The following SCN1B variants were observed in gnomAD, a reference collection of about 807,000 sequenced individuals.
The protein encoded by SCN1B is sodium voltage-gated channel beta subunit 1.
Under a neutral mutation model 25.7 loss-of-function variants are expected in SCN1B, and 11 were observed. That is an observed-to-expected ratio of 0.43 (90% CI 0.27 to 0.71). The LOEUF (loss-of-function observed/expected upper bound fraction) is 0.71, where lower values mean the gene tolerates loss of function less well. Ranked by LOEUF, SCN1B falls within the 30% of genes least tolerant of loss-of-function variation. The pLI, the probability that SCN1B is intolerant of heterozygous loss-of-function variation, is 0.21. For synonymous variants in SCN1B, 119 were observed against 117.5 expected (o/e 1.01, Z -0.08); for missense variants, 224 against 291.5 (o/e 0.77, Z 1.69).
chr19:35,030,943 G>A, intron 1 of SCN1B, 83 bp downstream of exon 1: 1 of 226,016 alleles, frequency 4.4e-6, no homozygotes, highest in Non-Finnish European at 8.3e-6. Context: ...GGGACACGGG[G>A]CAGCCGCGCG....
In SCN1B at chr19:35,030,828, G is replaced by A; in HGVS notation, c.8G>A (p.Arg3Lys). Residue 3 changes from arginine (R) to lysine (K), a missense_variant, in exon 1 of 6, where the codon AGG becomes AAG. Coordinates refer to ENST00000262631, the MANE Select transcript of SCN1B (RefSeq NM_001037.5). ...AGCACGCGCCGCGCAGCCATGGGGA[G>A]GCTGCTGGCCTTAGTGGTCGGCGCG... MG[R>K]LLALVVGAAL... is the part of the protein sequence containing the mutation. 1.8e-6 allele frequency: 2 copies of A among 1,088,152 alleles called. No homozygotes were observed. The highest frequency in any genetic ancestry group is 2.2e-5 in the South Asian group (1 of 44,476). 67.4% of individuals were successfully genotyped at this position (1,088,152 alleles called of 1,614,324 possible).
At position 35,032,702 on chromosome 19, in the gene SCN1B, G is replaced by A; in HGVS notation, c.207+8G>A. 1 of 1,613,590 alleles carries A rather than the reference G, an allele frequency of 6.2e-7. No individual in the cohort carries two copies. On this transcript the variant is annotated splice_region_variant and intron_variant, in intron 2 of 5. Coordinates refer to ENST00000262631, the MANE Select transcript of SCN1B (RefSeq NM_001037.5). The surrounding 1 kb of genome is among the most constrained non-coding windows in gnomAD (Gnocchi z 4.3). ...ACTGAGGAGTTTGTCAAGGTGTGCG[G>A]GTGCCGGGAACGGGCATGGGAGGGC... is the stretch of plus-strand genomic sequence containing the variant.
At chr19:35,034,237 A>T in intron 3 of SCN1B, 1 of 1,442,030 alleles carries the variant, frequency 6.9e-7, no homozygotes, top group African/African-American at 1.4e-5. Flanking sequence ...CTCTGTGGTG[A>T]TGAGGCAAGA....
Position 35,033,667 on chromosome 19 carries a change from C to A in SCN1B, c.376C>A (p.Leu126Met). 1 of 1,614,212 alleles carries A rather than the reference C, an allele frequency of 6.2e-7. No individual in the cohort carries two copies. The highest frequency in any genetic ancestry group is 1.6e-4 in the Middle Eastern group (1 of 6,062). Residue 126 changes from leucine (L) to methionine (M), a missense_variant, in exon 3 of 6, where the codon CTG becomes ATG. Around this residue, in one of 3 missense-constraint regions of SCN1B, gnomAD observed 126 missense variants for 204.9 expected, o/e 0.61. Transcript: ENST00000262631. ...SGDYECHVYR[L>M]LFFENYEHNT... ...CGACTACGAGTGCCACGTCTACCGC[C>A]TGCTCTTCTTCGAAAACTACGAGCA...
chr19:35,033,891 C>T lies in SCN1B; in HGVS notation c.448+152C>T. The T allele has an allele frequency of 3.1e-6, 5 of 1,594,874 alleles. No individual in the cohort carries two copies. Among genetic ancestry groups the T allele is most frequent in the Non-Finnish European group, 4.3e-6 (5 of 1,170,044 alleles). On this transcript the variant is annotated intron_variant, in intron 3 of 5. Coordinates refer to ENST00000262631, the MANE Select transcript of SCN1B (RefSeq NM_001037.5). ...CTGAGGGGGAGGGGAGCAGCCCCTC[C>T]TGCCCACTCCAGCTCTGGCCTCTGT...
intron 3 of SCN1B, chr19:35,038,799 T>A (rs2064263778): frequency 2.3e-6 from 1 of 433,422 alleles, no homozygotes. Flanking sequence ...AGACATTGAG[T>A]CACTTGCGCA....
chr19:35,039,513 C>T, intron 4 of SCN1B, 122 bp from the exon 5 acceptor site: 2 of 1,074,612 alleles, frequency 1.9e-6, no homozygotes, highest in Non-Finnish European at 2.8e-6. Context: ...CCCATAGACT[C>T]CTTCTCTCTC....
chr19:35,032,501 C>T lies in SCN1B; in HGVS notation c.41-27C>T. On this transcript the variant is annotated intron_variant, in intron 1 of 5. Transcript: ENST00000262631. The surrounding 1 kb of genome is among the most constrained non-coding windows in gnomAD (Gnocchi z 4.3). ...TTGCTTAGGGCAATGGGTGCCTCTG[C>T]CTGACCTGAGCCTGCTGTCCCCACA... The T allele has an allele frequency of 6.2e-7, 1 of 1,612,408 alleles. No homozygotes were observed. Among genetic ancestry groups the T allele is most frequent in the Non-Finnish European group, 8.5e-7 (1 of 1,180,004 alleles).
Position 35,032,311 on chromosome 19 carries a change from T to C in SCN1B, c.41-217T>C, listed in dbSNP as rs1237829376. On this transcript the variant is annotated intron_variant, in intron 1 of 5. Transcript: ENST00000262631. The surrounding 1 kb of genome is among the most constrained non-coding windows in gnomAD (Gnocchi z 4.3). ...GTATGAAAATGGGCCCAGCCATTGC[T>C]GGAAGCAAAGGACCATTTCTTTCAA... Among the ~76,000 whole-genome samples, 1 of 152,232 alleles carries C rather than the reference T, an allele frequency of 6.6e-6. No individual in the cohort carries two copies. The highest frequency in any genetic ancestry group is 1.5e-5 in the Non-Finnish European group (1 of 68,044).
At chr19:35,035,477 A>T (rs573920166) in intron 3 of SCN1B, 1 of 152,116 alleles carries the variant, frequency 6.6e-6, no homozygotes, top group African/African-American at 2.4e-5. Flanking sequence ...TTTAGTAGAT[A>T]TGGAGTTTCC....
chr19:35,039,010 G>A lies in SCN1B; in HGVS notation c.449-107G>A, dbSNP rs1057172573. On this transcript the variant is annotated intron_variant, in intron 3 of 5. Coordinates refer to ENST00000262631, the MANE Select transcript of SCN1B (RefSeq NM_001037.5). ...TTAATAATCACAGTGCATACACCAG[G>A]CCCAGGGAGGTTGAGCCACTCATCC... 13 of 1,308,010 alleles carry A rather than the reference G, an allele frequency of 9.9e-6. No homozygotes were observed. In the Admixed American group the frequency reaches 1.7e-4, roughly 17 times the overall value. The allele number at this position is 1,308,010 out of a possible 1,614,324, so 81.0% of individuals were successfully genotyped here. A position where few individuals can be genotyped will look rare whatever the true frequency, so the allele number is the denominator to read the frequency against.
chr19:35,034,210 A>C, intron 3 of SCN1B: 1 of 1,516,650 alleles, frequency 6.6e-7, no homozygotes, highest in Non-Finnish European at 8.9e-7. Flanking sequence ...CTGTTCGAGT[A>C]GCTCAGCCCT....
At chr19:35,037,672 G>A (rs1441003646) in intron 3 of SCN1B, 4 of 151,548 alleles carry the variant, frequency 2.6e-5, no homozygotes, top group Non-Finnish European at 4.4e-5. Context: ...GAGGCCAGGT[G>A]TAGTGGTTCA....
rs1005312276 is a variant in SCN1B, at chr19:35,032,541, C to A, written c.54C>A (p.Cys18Ter). Reference protein sequence around the residue: ...VVGAALVSSACGGCVEVDSET... With the variant: ...VVGAALVSSA ...CTGTCCCCACAGTGTCCTCAGCCTG[C>A]GGGGGCTGCGTGGAGGTGGACTCGG... The change falls in exon 2 of 6, where the codon TGC (cysteine) becomes TGA (stop). Residue 18 changes from cysteine to a stop codon, truncating the protein, a stop_gained. Transcript: ENST00000262631. LOFTEE classifies it high-confidence loss of function. This position sits in a 1 kb window ranked among gnomAD's most constrained non-coding sequence, Gnocchi z 4.3. 1 of 1,613,764 alleles carries A rather than the reference C, an allele frequency of 6.2e-7. No individual in the cohort carries two copies. Among genetic ancestry groups the A allele is most frequent in the Non-Finnish European group, 8.5e-7 (1 of 1,180,036 alleles).
At position 35,039,173 on chromosome 19, in the gene SCN1B, G is replaced by T. The variant is rs2064267317; in HGVS notation, c.505G>T (p.Val169Leu). ...SEIMMYVLIV[V>L]LTIWLVAEMI... The stretch of plus-strand genomic sequence containing the variant: ...GATCATGATGTATGTGCTCATTGTG[G>T]TGTTGACCATATGGCTCGTGGCAGA... The change falls in exon 4 of 6, where the codon GTG becomes TTG. Residue 169 changes from valine to leucine, a missense_variant. Around this residue, in one of 3 missense-constraint regions of SCN1B, gnomAD observed 126 missense variants for 204.9 expected, o/e 0.61. Transcript: ENST00000262631. The T allele has an allele frequency of 6.2e-7, 1 of 1,614,098 alleles. No homozygotes were observed. Among genetic ancestry groups the T allele is most frequent in the Non-Finnish European group, 8.5e-7 (1 of 1,180,040 alleles).
Position 35,032,578 on chromosome 19 carries a change from G to A in SCN1B, c.91G>A (p.Val31Met), listed in dbSNP as rs368129661. The change falls in exon 2 of 6, where the codon GTG becomes ATG. Residue 31 changes from valine to methionine, a missense_variant. Coordinates refer to ENST00000262631, the MANE Select transcript of SCN1B (RefSeq NM_001037.5). The surrounding 1 kb of genome is among the most constrained non-coding windows in gnomAD (Gnocchi z 4.3). ...GGAGGTGGACTCGGAGACCGAGGCC[G>A]TGTATGGGATGACCTTCAAAATTCT... ...CVEVDSETEA[V>M]YGMTFKILCI... 11 of 1,613,964 alleles carry A rather than the reference G, an allele frequency of 6.8e-6. No individual in the cohort carries two copies. The highest frequency in any genetic ancestry group is 1.3e-5 in the African/African-American group (1 of 74,944).
In SCN1B at chr19:35,032,280, C is replaced by T. The variant is rs1248460306; in HGVS notation, c.41-248C>T. Among the ~76,000 whole-genome samples, 2 of 152,180 alleles carry T rather than the reference C, an allele frequency of 1.3e-5. No homozygotes were observed. Among genetic ancestry groups the T allele is most frequent in the Non-Finnish European group, 2.9e-5 (2 of 68,032 alleles). On this transcript the variant is annotated intron_variant, in intron 1 of 5. Coordinates refer to ENST00000262631, the MANE Select transcript of SCN1B (RefSeq NM_001037.5). This position sits in a 1 kb window ranked among gnomAD's most constrained non-coding sequence, Gnocchi z 4.3. Reference sequence around the variant, plus strand: ...GGGGCCTCCCATGTACAAGGCCCTACCTAATGTATGAAAATGGGCCCAGCC... The same window carrying T: ...GGGGCCTCCCATGTACAAGGCCCTATCTAATGTATGAAAATGGGCCCAGCC...
intron 4 of SCN1B, 22 bp from the exon 5 acceptor site, chr19:35,039,613 A>ATACC: frequency 6.2e-7 from 1 of 1,613,778 alleles, no homozygotes; most frequent in Non-Finnish European, 8.5e-7. Flanking sequence ...GGGTCACTGT[A>ATACC]TACCTGGCCT....
At chr19:35,033,323 C>T (rs1271794877) in intron 2 of SCN1B, among the ~76,000 whole-genome samples, 176 bp from the exon 3 acceptor site, 1 of 152,100 alleles carries the variant, frequency 6.6e-6, no homozygotes, top group African/African-American at 2.4e-5. Flanking sequence ...GTCTGGTTGA[C>T]TCCAGGCGTG....
Sources: gnomAD v4.1 joint callset for allele counts (sites outside exome capture counted in the v4.1 genomes callset) on GRCh38, gnomAD v4.1.1 for gene constraint, gnomAD v4.1.1 regional missense constraint, Gnocchi (gnomAD v3.1) non-coding constraint, MANE v1.5 for transcripts, NCBI Gene and HGNC (gene_info 2026-07-23, HGNC 2026-07-21) for gene names.